Variants in KLHL22 observed in about 807,000 individuals in gnomAD.
The protein encoded by KLHL22 is kelch-like protein 22.
A neutral mutation model predicts 60.7 loss-of-function variants in KLHL22; 18 were observed. The ratio of observed to expected loss-of-function variants is 0.30; its 90% confidence interval spans 0.20 to 0.44. The LOEUF (loss-of-function observed/expected upper bound fraction) is 0.44. Among genes scored for constraint, KLHL22 ranks in the 20% least tolerant of loss-of-function variants. The pLI, the probability that KLHL22 is intolerant of heterozygous loss-of-function variation, is 1.00. For missense variants in KLHL22, 596 were observed against 852.3 expected (o/e 0.70, Z 3.74); for synonymous variants, 355 against 354.5 (o/e 1.00, Z -0.01).
chr22:20,468,225 G>A (rs1311568125), intron 3 of KLHL22, among the ~76,000 whole-genome samples: 6 of 152,150 alleles, frequency 3.9e-5, no homozygotes, highest in Non-Finnish European at 5.9e-5. Flanking sequence ...GGTTTGTCAT[G>A]GGCCAGGGTC....
intron 2 of KLHL22, among the ~76,000 whole-genome samples, chr22:20,472,926 G>A (rs751724892): frequency 6.6e-6 from 1 of 152,080 alleles, no homozygotes; most frequent in Non-Finnish European, 1.5e-5. Context: ...GGAGACAGGT[G>A]TACAAGTTCT....
At chr22:20,492,353 C>T (rs528283196) in intron 1 of KLHL22, among the ~76,000 whole-genome samples, 8 of 152,222 alleles carry the variant, frequency 5.3e-5, no homozygotes, top group Middle Eastern at 3.4e-3. Flanking sequence ...ATGCCCCTAC[C>T]AGTTTCCCTA....
chr22:20,471,725 T>C (rs757946077), intron 2 of KLHL22, among the ~76,000 whole-genome samples: 1 of 152,132 alleles, frequency 6.6e-6, no homozygotes, highest in African/African-American at 2.4e-5. Context: ...ATCCTGGAAA[T>C]TGTCCTGTTT....
In KLHL22 at chr22:20,442,145, G is replaced by T. The variant is rs149300605; in HGVS notation, c.1833C>A (p.Ala611=). The change falls in exon 7 of 7, where the codon GCC becomes GCA. Residue 611 remains alanine, a synonymous_variant. Coordinates refer to ENST00000328879, the MANE Select transcript of KLHL22 (RefSeq NM_032775.4). ...PPRGTPDRSQ[A]DPDFASEVMS... ...TCACCTCAGAGGCAAAGTCCGGGTC[G>T]GCCTGGCTGCGGTCAGGGGTCCCGC... The T allele has an allele frequency of 1.3e-6, 2 of 1,539,506 alleles. No homozygotes were observed. The highest frequency in any genetic ancestry group is 3.9e-5 in the Admixed American group (2 of 50,720).
chr22:20,466,923 A>C (rs1021957211), intron 3 of KLHL22, among the ~76,000 whole-genome samples: 1 of 152,206 alleles, frequency 6.6e-6, no homozygotes, highest in Non-Finnish European at 1.5e-5. Flanking sequence ...CACTGGAGGG[A>C]GGTGGGAACA....
chr22:20,478,697 G>A (rs1258834249), intron 2 of KLHL22, among the ~76,000 whole-genome samples: 39 of 148,474 alleles, frequency 2.6e-4, no homozygotes, highest in African/African-American at 8.8e-4. Flanking sequence ...TGTATTTTTA[G>A]TAGAGACGGG....
At chr22:20,443,715 G>A (rs2052806246) in intron 6 of KLHL22, among the ~76,000 whole-genome samples, 3 of 150,074 alleles carry the variant, frequency 2.0e-5, no homozygotes, top group Admixed American at 2.0e-4. Flanking sequence ...CCAGCCTGGC[G>A]ACAGAGCGAG....
At chr22:20,476,587 G>C (rs1418688709) in intron 2 of KLHL22, among the ~76,000 whole-genome samples, 2 of 149,502 alleles carry the variant, frequency 1.3e-5, no homozygotes, top group African/African-American at 4.9e-5. Flanking sequence ...CTAATTTTTT[G>C]TATTTTTAGT....
chr22:20,471,217 C>T (rs2053321651), intron 3 of KLHL22, 133 bp downstream of exon 3: 3 of 814,190 alleles, frequency 3.7e-6, no homozygotes, highest in Non-Finnish European at 5.7e-6. Context: ...ACTTCATGGC[C>T]TTCGTCACTG....
intron 6 of KLHL22, 130 bp downstream of exon 6, chr22:20,446,313 T>C (rs2052859605): frequency 1.5e-6 from 1 of 672,896 alleles, no homozygotes; most frequent in African/African-American, 1.8e-5. Context: ...TTAATTTTGC[T>C]GTGAACCTAA....
At chr22:20,454,731 T>C (rs2053035628) in intron 5 of KLHL22, among the ~76,000 whole-genome samples, 1 of 152,234 alleles carries the variant, frequency 6.6e-6, no homozygotes, top group African/African-American at 2.4e-5. Context: ...GTATTATTAA[T>C]TGGGTTGGGA....
chr22:20,445,696 T>C (rs982980766), intron 6 of KLHL22, among the ~76,000 whole-genome samples: 5 of 152,140 alleles, frequency 3.3e-5, no homozygotes, highest in African/African-American at 1.2e-4. Context: ...ATCCTCCCAC[T>C]TCAGCCTCCT....
intron 2 of KLHL22, 54 bp downstream of exon 2, chr22:20,488,931 C>A: frequency 6.5e-7 from 1 of 1,548,448 alleles, no homozygotes; most frequent in Non-Finnish European, 8.8e-7. Flanking sequence ...CCTTTACTAG[C>A]AGAGCCAGGA....
At chr22:20,444,733 G>C (rs1280103278) in intron 6 of KLHL22, among the ~76,000 whole-genome samples, 1 of 152,198 alleles carries the variant, frequency 6.6e-6, no homozygotes, top group African/African-American at 2.4e-5. Flanking sequence ...AAAATGCCCA[G>C]GACAAAAGTC....
At chr22:20,464,277 A>G (rs942488358) in intron 4 of KLHL22, among the ~76,000 whole-genome samples, 1 of 152,252 alleles carries the variant, frequency 6.6e-6, no homozygotes, top group Non-Finnish European at 1.5e-5. Flanking sequence ...ACTGCAGGGC[A>G]GAGCGGAAAT....
At chr22:20,456,771 C>T (rs1020225966) in intron 5 of KLHL22, among the ~76,000 whole-genome samples, 6 of 152,220 alleles carry the variant, frequency 3.9e-5, no homozygotes, top group Non-Finnish European at 7.3e-5. Context: ...TAAAGAAGAG[C>T]TGGATCCATT....
At position 20,485,421 on chromosome 22, in the gene KLHL22, A is replaced by C. The variant is rs561512961; in HGVS notation, c.227+3564T>G. Among the ~76,000 whole-genome samples, 31 of 152,372 alleles carry C rather than the reference A, an allele frequency of 2.0e-4. No individual in the cohort carries two copies. The South Asian group carries it at 6.4e-3, about 32-fold the overall frequency. On this transcript the variant is annotated intron_variant, in intron 2 of 6. Coordinates refer to ENST00000328879, the MANE Select transcript of KLHL22 (RefSeq NM_032775.4). ...ACAGAGTACACAGAAAGAGCACAGGAGGCTTCCTGCAGCAGGGCAGTACAG... is the reference window on the plus strand; with the variant it reads ...ACAGAGTACACAGAAAGAGCACAGGCGGCTTCCTGCAGCAGGGCAGTACAG...
intron 2 of KLHL22, chr22:20,482,796 A>T: frequency 1.7e-6 from 2 of 1,163,174 alleles, no homozygotes. Context: ...TCCCCAAAGG[A>T]TACCCTGCTT....
Position 20,465,762 on chromosome 22 carries a change from C to T in KLHL22, c.394-186G>A, listed in dbSNP as rs147494461. 781 of 603,786 alleles carry T rather than the reference C, an allele frequency of 1.3e-3. 1 individual carries two copies. Among genetic ancestry groups the T allele is most frequent in the Non-Finnish European group, 2.1e-3 (716 of 338,034 alleles). 37.4% of individuals were successfully genotyped at this position (603,786 alleles called of 1,614,324 possible). On this transcript the variant is annotated intron_variant, in intron 3 of 6. Transcript: ENST00000328879. This position sits in a 1 kb window ranked among gnomAD's most constrained non-coding sequence, Gnocchi z 4.9. ...GGCTTACTGCAGACTAGGTTTAAGT[C>T]CTGGTTTGGAAACATACTGGGTGAC...
Sources: allele counts gnomAD v4.1 joint callset (sites outside exome capture counted in the v4.1 genomes callset), GRCh38; gene constraint gnomAD v4.1.1; non-coding constraint Gnocchi (gnomAD v3.1); transcripts MANE v1.5; gene names NCBI Gene and HGNC (gene_info 2026-07-23, HGNC 2026-07-21).